Variants in CEACAM7 observed in about 807,000 individuals in gnomAD.
CEACAM7 encodes CEA cell adhesion molecule 7.
In CEACAM7, 24 loss-of-function variants were observed where a neutral mutation model predicts 25.7. The observed-to-expected ratio is 0.93, with a 90% CI of 0.68 to 1.31. The LOEUF is 1.31. CEACAM7 is among the 40% of genes most tolerant of loss of function. CEACAM7 has a pLI of 0.00. For missense variants in CEACAM7, 324 were observed against 330.1 expected, an observed-to-expected ratio of 0.98 and a Z score of 0.14; for synonymous variants, 144 against 129.4, an observed-to-expected ratio of 1.11 and a Z score of -0.77.
chr19:41,686,724 C>G (rs2072228715), intron 2 of CEACAM7, 135 bp downstream of exon 2: 3 of 942,676 alleles, frequency 3.2e-6, no homozygotes. Flanking sequence ...CCATGTGTGT[C>G]CTTCACTAAA....
At chr19:41,677,312 C>T in intron 4 of CEACAM7, 64 bp downstream of exon 4, 2 of 858,460 alleles carry the variant, frequency 2.3e-6, no homozygotes, top group South Asian at 1.6e-5. Flanking sequence ...AGTCCTTTCC[C>T]TCTCCCAAGC....
intron 3 of CEACAM7, among the ~76,000 whole-genome samples, chr19:41,678,647 A>G (rs555320868): frequency 1.3e-5 from 2 of 152,280 alleles, no homozygotes; most frequent in African/African-American, 2.4e-5. Context: ...AACTTACCCA[A>G]TGTCATACAG....
At chr19:41,676,640 C>T (rs1453132184) in intron 4 of CEACAM7, among the ~76,000 whole-genome samples, 3 of 152,170 alleles carry the variant, frequency 2.0e-5, no homozygotes, top group Non-Finnish European at 4.4e-5. Context: ...GATTCTCAGC[C>T]ACGTTTAGGT....
At chr19:41,682,235 A>G (rs1329908830) in intron 3 of CEACAM7, among the ~76,000 whole-genome samples, 1 of 152,122 alleles carries the variant, frequency 6.6e-6, no homozygotes, top group Non-Finnish European at 1.5e-5. Context: ...CACCGCGCCC[A>G]GCCCTAAACC....
At chr19:41,685,501 A>G (rs2072217693) in intron 2 of CEACAM7, among the ~76,000 whole-genome samples, 1 of 152,150 alleles carries the variant, frequency 6.6e-6, no homozygotes, top group Admixed American at 6.5e-5. Flanking sequence ...AGGATCCTGC[A>G]TCAGGTTCCA....
intron 3 of CEACAM7, 54 bp from the exon 4 acceptor site, chr19:41,677,557 T>A (rs2072127976): frequency 7.4e-7 from 1 of 1,359,714 alleles, no homozygotes. Flanking sequence ...TACAGGGAAG[T>A]CCCCCAGGAA....
In CEACAM7 at chr19:41,683,867, C is replaced by G. The variant is rs782283542; in HGVS notation, c.624G>C (p.Lys208Asn). ...CACATTCATAGGGTCCTATGTCATT[C>G]TTTGTGGCGCTGAGTAGAACGAGGG... ...NRTLVLLSAT[K>N]NDIGPYECEI... is the part of the protein sequence containing the mutation. Residue 208 changes from lysine (K) to asparagine (N), a missense_variant, in exon 3 of 5, where the codon AAG becomes AAC. Lys to Asn is a moderately conservative substitution (Grantham distance 94, BLOSUM62 0). Transcript: ENST00000401731. 35 of 1,614,100 alleles carry G rather than the reference C, an allele frequency of 2.2e-5. No homozygotes were observed. Among genetic ancestry groups the G allele is most frequent in the Middle Eastern group, 1.6e-4 (1 of 6,084 alleles).
Position 41,686,920 on chromosome 19 carries a change from G to A in CEACAM7, c.366C>T (p.Thr122=), listed in dbSNP as rs782805705. The A allele has an allele frequency of 6.4e-7, 1 of 1,574,520 alleles. No homozygotes were observed. The highest frequency in any genetic ancestry group is 8.6e-7 in the Non-Finnish European group (1 of 1,163,512). ...CAAGATTTTCTTTTATAACGTGTAG[G>A]GTATAGATTCCTGCGTCATTGTGGG... ...NVTHNDAGIY[T]LHVIKENLVN... The change falls in exon 2 of 5, where the codon ACC becomes ACT. Residue 122 remains threonine, a synonymous_variant. Transcript: ENST00000401731.
intron 3 of CEACAM7, 89 bp downstream of exon 3, chr19:41,683,696 T>C: frequency 6.5e-7 from 1 of 1,548,090 alleles, no homozygotes; most frequent in Non-Finnish European, 8.8e-7. Flanking sequence ...GTCTGTGTAC[T>C]TGGACCTGAG....
chr19:41,677,271 G>A (rs1484946294), intron 4 of CEACAM7, 105 bp downstream of exon 4: 12 of 611,090 alleles, frequency 2.0e-5, no homozygotes, highest in Admixed American at 1.9e-4. Context: ...GTGGGAGGAG[G>A]AGGAGATCTA....
At chr19:41,680,040 G>A (rs2072158685) in intron 3 of CEACAM7, among the ~76,000 whole-genome samples, 1 of 129,762 alleles carries the variant, frequency 7.7e-6, no homozygotes, top group African/African-American at 3.0e-5. Context: ...GGCTGGTCTC[G>A]AACTTGTGAC....
chr19:41,686,715 C>T, intron 2 of CEACAM7, 144 bp downstream of exon 2: 2 of 830,118 alleles, frequency 2.4e-6, no homozygotes, highest in South Asian at 4.9e-5. Flanking sequence ...TTGTCTCCCC[C>T]ATGTGTGTCC....
intron 3 of CEACAM7, among the ~76,000 whole-genome samples, chr19:41,681,683 C>T (rs2072177216): frequency 6.6e-6 from 1 of 152,098 alleles, no homozygotes; most frequent in Non-Finnish European, 1.5e-5. Flanking sequence ...CGTGAATGAA[C>T]CTTAAAGACG....
At chr19:41,684,144 T>G in intron 2 of CEACAM7, 81 bp from the exon 3 acceptor site, 3 of 1,477,946 alleles carry the variant, frequency 2.0e-6, no homozygotes, top group Non-Finnish European at 2.8e-6. Flanking sequence ...AGAGTTGGCA[T>G]CTCCCACCTC....
At chr19:41,679,691 T>C (rs1220193549) in intron 3 of CEACAM7, among the ~76,000 whole-genome samples, 1 of 151,962 alleles carries the variant, frequency 6.6e-6, no homozygotes, top group Non-Finnish European at 1.5e-5. Flanking sequence ...ATTTTAGAAC[T>C]AATAAACAGA....
intron 3 of CEACAM7, among the ~76,000 whole-genome samples, chr19:41,680,457 A>G (rs1430202463): frequency 6.6e-6 from 1 of 152,170 alleles, no homozygotes; most frequent in African/African-American, 2.4e-5. Flanking sequence ...AAATAGCCAA[A>G]CAATATGAAA....
intron 3 of CEACAM7, among the ~76,000 whole-genome samples, chr19:41,680,729 CTTAACACCATATAAAAA>C (rs1453146501): frequency 2.0e-5 from 3 of 152,196 alleles, no homozygotes; most frequent in African/African-American, 4.8e-5. Flanking sequence ...TGAATCTTTA[CTTAACACCATATAAAAA>C]TTAACACCAT....
At position 41,677,513 on chromosome 19, in the gene CEACAM7, A is replaced by T. The variant is rs2072127099; in HGVS notation, c.707-10T>A. On this transcript the variant is annotated splice_polypyrimidine_tract_variant and intron_variant, in intron 3 of 4. Transcript: ENST00000401731. ...GCTTGTACTGACTCATCTGCCATGG[A>T]AAGAAAAGAGAAGGAATGAAGTTGA... is the stretch of plus-strand genomic sequence containing the variant. 6.2e-7 allele frequency: 1 copy of T among 1,603,702 alleles called. No individual in the cohort carries two copies. Among genetic ancestry groups the T allele is most frequent in the Non-Finnish European group, 8.5e-7 (1 of 1,171,346 alleles).
chr19:41,678,918 ACATTTAAAAAG>A, intron 3 of CEACAM7, among the ~76,000 whole-genome samples: 1 of 152,386 alleles, frequency 6.6e-6, no homozygotes, highest in East Asian at 1.9e-4. Flanking sequence ...ATAAATACAT[ACATTTAAAAAG>A]AAGAAAGATC....
Sources: allele counts gnomAD v4.1 joint callset (sites outside exome capture counted in the v4.1 genomes callset), GRCh38; gene constraint gnomAD v4.1.1; transcripts MANE v1.5; gene names NCBI Gene and HGNC (gene_info 2026-07-23, HGNC 2026-07-21).